The following JAZF1 variants were observed in gnomAD, a reference collection of about 807,000 sequenced individuals.
JAZF1 encodes juxtaposed with another zinc finger protein 1.
A neutral mutation model predicts 26.4 loss-of-function variants in JAZF1; 8 were observed. The observed-to-expected ratio is 0.30, with a 90% CI of 0.18 to 0.55. JAZF1 has a LOEUF of 0.55. Ranked by LOEUF, JAZF1 falls within the 20% of genes least tolerant of loss-of-function variation. JAZF1 has a pLI of 0.94. For synonymous variants in JAZF1, 126 were observed against 122.3 expected, an observed-to-expected ratio of 1.03 and a Z score of -0.20; for missense variants, 199 against 322.0, an observed-to-expected ratio of 0.62 and a Z score of 2.92.
Position 27,935,820 on chromosome 7 carries a change from A to C in JAZF1, c.189-40404T>G, listed in dbSNP as rs1784756158. Among the ~76,000 whole-genome samples, 4 of 152,164 alleles carry C rather than the reference A, an allele frequency of 2.6e-5. No individual in the cohort carries two copies. The South Asian group carries it at 8.3e-4, about 31-fold the overall frequency. ...CAGCCTCTGTGATCCTGTAGTTTGC[A>C]AATCTCTTCTACCCAATTTTGAAGG... On this transcript the variant is annotated intron_variant, in intron 2 of 4. Coordinates refer to ENST00000283928, the MANE Select transcript of JAZF1 (RefSeq NM_175061.4).
chr7:28,036,343 C>T (rs868128086), intron 1 of JAZF1, among the ~76,000 whole-genome samples: 5 of 152,194 alleles, frequency 3.3e-5, no homozygotes, highest in Admixed American at 6.5e-5. Context: ...TATCTGACTT[C>T]TATAGTGATT....
intron 2 of JAZF1, among the ~76,000 whole-genome samples, chr7:27,916,561 T>C (rs1784445557): frequency 6.6e-6 from 1 of 152,200 alleles, no homozygotes; most frequent in Non-Finnish European, 1.5e-5. Context: ...CTATGACTCA[T>C]GCTGGTGTAA....
intron 2 of JAZF1, among the ~76,000 whole-genome samples, chr7:27,916,822 CA>C (rs1784449113): frequency 6.6e-6 from 1 of 152,226 alleles, no homozygotes; most frequent in East Asian, 1.9e-4. Flanking sequence ...CTGGTCAACT[CA>C]AAAATCCCAC....
At chr7:27,997,679 T>C (rs1786043945) in intron 1 of JAZF1, among the ~76,000 whole-genome samples, 1 of 152,160 alleles carries the variant, frequency 6.6e-6, no homozygotes, top group African/African-American at 2.4e-5. Flanking sequence ...GATATCCTCC[T>C]GCCTCATCCT....
chr7:27,895,085 C>A, intron 3 of JAZF1, 135 bp downstream of exon 3: 1 of 466,412 alleles, frequency 2.1e-6, no homozygotes, highest in Non-Finnish European at 3.8e-6. Context: ...AATATGTAGA[C>A]TAGTGAAAGG....
rs542875785 is a variant in JAZF1, at chr7:28,113,076, G to A, written c.115+67387C>T. 1.8e-4 allele frequency among the ~76,000 whole-genome samples: 27 copies of A among 152,240 alleles called. No individual in the cohort carries two copies. The South Asian group carries it at 4.6e-3, about 26-fold the overall frequency. On this transcript the variant is annotated intron_variant, in intron 1 of 4. Transcript: ENST00000283928. ...AATCTCGAAGGGGAAATGGGAACCC[G>A]CCTCCAGTTCAGGGCATTCAGAGAT...
At chr7:28,110,496 A>AAG (rs757339372) in intron 1 of JAZF1, among the ~76,000 whole-genome samples, 2 of 35,608 alleles carry the variant, frequency 5.6e-5, no homozygotes, top group Admixed American at 5.0e-4. Context: ...AGGAAAGGAA[A>AAG]GGAAAGGAAA....
At chr7:28,157,844 T>A (rs1479464260) in intron 1 of JAZF1, among the ~76,000 whole-genome samples, 1 of 152,102 alleles carries the variant, frequency 6.6e-6, no homozygotes, top group East Asian at 1.9e-4. Flanking sequence ...TTAGTACTGT[T>A]CAAAATGAAC....
At chr7:27,905,435 C>T (rs1288969874) in intron 2 of JAZF1, among the ~76,000 whole-genome samples, 3 of 144,590 alleles carry the variant, frequency 2.1e-5, no homozygotes, top group Admixed American at 6.9e-5. Context: ...TTCTTTCTTT[C>T]TTTTTTTTTT....
intron 1 of JAZF1, among the ~76,000 whole-genome samples, chr7:28,056,468 ACACACAC>A (rs752017452): frequency 0.014 from 2,074 of 148,490 alleles, 53 homozygotes; most frequent in African/African-American, 0.047. Context: ...ACACACACAC[ACACACAC>A]AATAAGAAAG....
chr7:28,123,737 A>C (rs1350376259), intron 1 of JAZF1, among the ~76,000 whole-genome samples: 1 of 152,220 alleles, frequency 6.6e-6, no homozygotes, highest in Non-Finnish European at 1.5e-5. Context: ...GCAATGATGG[A>C]AGATGGAAAT....
chr7:27,992,228 T>G (rs1425745252), intron 1 of JAZF1: 1 of 575,862 alleles, frequency 1.7e-6, no homozygotes, highest in South Asian at 1.5e-5. Context: ...ACACAAACTC[T>G]TGCACAATCC....
chr7:27,962,996 G>A (rs1283805730), intron 2 of JAZF1, among the ~76,000 whole-genome samples: 1 of 152,156 alleles, frequency 6.6e-6, no homozygotes, highest in Non-Finnish European at 1.5e-5. Flanking sequence ...ACTGTGTGGG[G>A]TTAGCATTCA....
At chr7:28,153,908 C>T (rs1288955533) in intron 1 of JAZF1, among the ~76,000 whole-genome samples, 1 of 152,126 alleles carries the variant, frequency 6.6e-6, no homozygotes, top group East Asian at 1.9e-4. Flanking sequence ...TCCTGCCCTC[C>T]ACCTACCTGC....
At chr7:27,914,443 T>C (rs1784412031) in intron 2 of JAZF1, among the ~76,000 whole-genome samples, 1 of 152,172 alleles carries the variant, frequency 6.6e-6, no homozygotes, top group Non-Finnish European at 1.5e-5. Context: ...GGCTGTACTT[T>C]GGTCCTGGAT....
intron 1 of JAZF1, among the ~76,000 whole-genome samples, chr7:28,003,859 G>C (rs554675539): frequency 6.6e-6 from 1 of 152,098 alleles, no homozygotes; most frequent in South Asian, 2.1e-4. Flanking sequence ...TGGGAGTCTA[G>C]AAGGAAAAGA....
intron 1 of JAZF1, among the ~76,000 whole-genome samples, chr7:27,993,876 G>C (rs1199288389): frequency 6.6e-6 from 1 of 152,084 alleles, no homozygotes; most frequent in Non-Finnish European, 1.5e-5. Flanking sequence ...AAAGAAAAGG[G>C]CACCGTTAGG....
chr7:27,949,769 C>T (rs1784978410), intron 2 of JAZF1, among the ~76,000 whole-genome samples: 2 of 152,194 alleles, frequency 1.3e-5, no homozygotes, highest in African/African-American at 4.8e-5. Context: ...AAGACTCTGT[C>T]TCAAAAACTA....
intron 1 of JAZF1, among the ~76,000 whole-genome samples, chr7:28,172,444 T>C (rs931820820): frequency 6.6e-6 from 1 of 152,224 alleles, no homozygotes; most frequent in Non-Finnish European, 1.5e-5. Context: ...ATTAACCAGT[T>C]TGTTGTCAGT....
Sources: allele counts gnomAD v4.1 joint callset (sites outside exome capture counted in the v4.1 genomes callset), GRCh38; gene constraint gnomAD v4.1.1; transcripts MANE v1.5; gene names NCBI Gene and HGNC (gene_info 2026-07-23, HGNC 2026-07-21).